The following SLC39A11 variants were observed in gnomAD, a reference collection of about 807,000 sequenced individuals.
SLC39A11 encodes the protein zinc transporter ZIP11.
In SLC39A11, 33 loss-of-function variants were observed where a neutral mutation model predicts 36.1. That is an observed-to-expected ratio of 0.91 (90% CI 0.69 to 1.22). The LOEUF is 1.22. Among genes scored for constraint, SLC39A11 ranks in the 50% most tolerant of loss-of-function variants. The probability of loss-of-function intolerance (pLI) is 0.00; values close to 1 mark genes in which losing one functional copy is unlikely to be tolerated. For synonymous variants in SLC39A11, 166 were observed against 170.3 expected, an observed-to-expected ratio of 0.97 and a Z score of 0.20; for missense variants, 432 against 430.3, an observed-to-expected ratio of 1.00 and a Z score of -0.03.
intron 4 of SLC39A11, among the ~76,000 whole-genome samples, chr17:73,004,149 A>G (rs984951902): frequency 6.8e-6 from 1 of 146,932 alleles, no homozygotes. Flanking sequence ...GGAAGAAAGA[A>G]AGAAAGAAGG....
Position 72,718,126 on chromosome 17 carries a change from G to T in SLC39A11, c.671+18524C>A, listed in dbSNP as rs76709350. Among the ~76,000 whole-genome samples, 287 of 152,228 alleles carry T rather than the reference G, an allele frequency of 1.9e-3. 8 individuals are homozygous for T. The East Asian group carries it at 0.049, about 26-fold the overall frequency. ...GATTTTTTACCTAGGCTTGCATTTCGTAATGAGCCAAATGAGGTTTGATTT... is the reference window on the plus strand; with the variant it reads ...GATTTTTTACCTAGGCTTGCATTTCTTAATGAGCCAAATGAGGTTTGATTT... On this transcript the variant is annotated intron_variant, in intron 7 of 9. Coordinates refer to ENST00000255559, the MANE Select transcript of SLC39A11 (RefSeq NM_139177.4).
intron 6 of SLC39A11, among the ~76,000 whole-genome samples, chr17:72,747,055 T>C (rs1385429986): frequency 6.6e-6 from 1 of 152,148 alleles, no homozygotes; most frequent in Non-Finnish European, 1.5e-5. Context: ...TCTAATTTAA[T>C]AAACAAAACT....
chr17:72,934,619 T>C (rs1475910584), intron 5 of SLC39A11, among the ~76,000 whole-genome samples: 8 of 152,100 alleles, frequency 5.3e-5, no homozygotes, highest in Admixed American at 4.6e-4. Context: ...TGAGCCGAGA[T>C]TGCGCCACTG....
chr17:72,692,239 C>T (rs1174994189), intron 7 of SLC39A11, among the ~76,000 whole-genome samples: 1 of 152,100 alleles, frequency 6.6e-6, no homozygotes, highest in Non-Finnish European at 1.5e-5. Context: ...TCTCGATCTC[C>T]TGACCTTGCG....
chr17:72,738,718 A>G (rs2074540743), intron 6 of SLC39A11, among the ~76,000 whole-genome samples: 1 of 152,236 alleles, frequency 6.6e-6, no homozygotes, highest in Non-Finnish European at 1.5e-5. Context: ...AGCAAGGCCA[A>G]GGGCTTTGGG....
At chr17:72,942,083 CAG>C (rs955400875) in intron 5 of SLC39A11, among the ~76,000 whole-genome samples, 1 of 150,292 alleles carries the variant, frequency 6.7e-6, no homozygotes, top group African/African-American at 2.4e-5. Flanking sequence ...TTAGTAGAGA[CAG>C]GGGTTTCACC....
chr17:72,706,914 A>C (rs1359823953), intron 7 of SLC39A11, among the ~76,000 whole-genome samples: 1 of 152,212 alleles, frequency 6.6e-6, no homozygotes, highest in Non-Finnish European at 1.5e-5. Flanking sequence ...TCTCCACTTG[A>C]TTCCAACGTG....
chr17:73,035,102 G>A (rs1339761012), intron 3 of SLC39A11, among the ~76,000 whole-genome samples: 1 of 152,030 alleles, frequency 6.6e-6, no homozygotes, highest in Admixed American at 6.5e-5. Context: ...TGTCTAAAAT[G>A]AAAAAAGCAC....
chr17:72,750,433 G>T lies in SLC39A11; in HGVS notation c.602-13714C>A, dbSNP rs955856938. The stretch of plus-strand genomic sequence containing the variant: ...TATGGAATACCTCTGGAGGTGGGGT[G>T]GGGGGTGGGGAGGACTTATTTATGT... On this transcript the variant is annotated intron_variant, in intron 6 of 9. Transcript: ENST00000255559. Among the ~76,000 whole-genome samples the T allele has an allele frequency of 2.9e-5, 4 of 139,350 alleles. No homozygotes were observed. In the South Asian group the frequency reaches 8.1e-4, roughly 28 times the overall value. The allele number at this position is 139,350 out of a possible 152,430, so 91.4% of individuals were successfully genotyped here. A position where few individuals can be genotyped will look rare whatever the true frequency, so the allele number is the denominator to read the frequency against.
At chr17:72,986,632 C>A (rs1355714152) in intron 4 of SLC39A11, among the ~76,000 whole-genome samples, 1 of 152,192 alleles carries the variant, frequency 6.6e-6, no homozygotes, top group East Asian at 1.9e-4. Context: ...GTCTTGGGCC[C>A]CAACCCAGAC....
intron 5 of SLC39A11, among the ~76,000 whole-genome samples, chr17:72,859,345 G>GT (rs2079827657): frequency 9.6e-6 from 1 of 104,114 alleles, no homozygotes; most frequent in Non-Finnish European, 1.8e-5. Context: ...TTGTTTTAGT[G>GT]TAAGTATTCC....
intron 5 of SLC39A11, among the ~76,000 whole-genome samples, chr17:72,944,102 C>T (rs1239139108): frequency 2.6e-5 from 4 of 152,158 alleles, no homozygotes; most frequent in Admixed American, 2.6e-4. Flanking sequence ...CACCTCATTA[C>T]TTATGCTTAT....
chr17:72,852,204 CAAAAAAA>C lies in SLC39A11; in HGVS notation c.431-2407_431-2401del, dbSNP rs1167034424. 3.2e-3 allele frequency among the ~76,000 whole-genome samples: 128 copies of C among 39,916 alleles called. 4 individuals carry two copies. The highest frequency in any genetic ancestry group is 5.5e-3 in the Non-Finnish European group (106 of 19,318). The allele number at this position is 39,916 out of a possible 152,430, so 26.2% of individuals were successfully genotyped here. ...TGGGCAACAGAGCAAGACTCCGTCT[CAAAAAAA>C]AAAAAAAAAAAAAAAAACAGAAAGA... On this transcript the variant is annotated intron_variant, in intron 5 of 9. Transcript: ENST00000255559.
intron 5 of SLC39A11, among the ~76,000 whole-genome samples, chr17:72,855,741 C>G (rs966602429): frequency 2.6e-5 from 4 of 151,716 alleles, no homozygotes; most frequent in African/African-American, 7.3e-5. Flanking sequence ...CTAAAAAATA[C>G]AAAAAATTAG....
At chr17:72,941,925 G>A (rs2085131301) in intron 5 of SLC39A11, among the ~76,000 whole-genome samples, 1 of 151,698 alleles carries the variant, frequency 6.6e-6, no homozygotes, top group Non-Finnish European at 1.5e-5. Flanking sequence ...CTGTCGCCCA[G>A]GCTGGAGTGC....
intron 5 of SLC39A11, among the ~76,000 whole-genome samples, chr17:72,853,902 T>G (rs1269282631): frequency 1.3e-5 from 2 of 152,100 alleles, no homozygotes. Context: ...GCCAAGCACC[T>G]TGTGGGATGT....
chr17:72,698,459 C>CAAAA (rs61454778), intron 7 of SLC39A11, among the ~76,000 whole-genome samples: 6 of 92,974 alleles, frequency 6.5e-5, no homozygotes, highest in South Asian at 3.9e-4. Context: ...TAATAAAAAC[C>CAAAA]AAAAAAAAAA....
intron 5 of SLC39A11, among the ~76,000 whole-genome samples, chr17:72,861,666 T>A (rs1399690248): frequency 9.3e-6 from 1 of 107,090 alleles, no homozygotes; most frequent in Non-Finnish European, 1.9e-5. Context: ...ATTATATATA[T>A]ATATATATAT....
At chr17:72,654,874 T>G (rs1332591481) in intron 7 of SLC39A11, among the ~76,000 whole-genome samples, 1 of 152,222 alleles carries the variant, frequency 6.6e-6, no homozygotes, top group Non-Finnish European at 1.5e-5. Flanking sequence ...CGCCGTGACA[T>G]AGCGCTGACT....
Sources: gnomAD v4.1 joint callset for allele counts (sites outside exome capture counted in the v4.1 genomes callset) on GRCh38, gnomAD v4.1.1 for gene constraint, MANE v1.5 for transcripts, NCBI Gene and HGNC (gene_info 2026-07-23, HGNC 2026-07-21) for gene names.